Variants in ZNF704 observed in about 807,000 individuals in gnomAD.
ZNF704 encodes zinc finger protein 704.
In ZNF704, 10 loss-of-function variants were observed where a neutral mutation model predicts 44.7. The ratio of observed to expected loss-of-function variants is 0.22; its 90% CI spans 0.14 to 0.38. The LOEUF (loss-of-function observed/expected upper bound fraction) is 0.38. Ranked by LOEUF, ZNF704 falls within the 10% of genes least tolerant of loss-of-function variation. ZNF704 has a pLI of 1.00. For synonymous variants in ZNF704, 211 were observed against 207.6 expected, an observed-to-expected ratio of 1.02 and a Z score of -0.14; for missense variants, 390 against 545.5, an observed-to-expected ratio of 0.71 and a Z score of 2.84.
At chr8:80,763,430 C>CA (rs756221973) in intron 2 of ZNF704, among the ~76,000 whole-genome samples, 31 of 152,192 alleles carry the variant, frequency 2.0e-4, no homozygotes, top group Non-Finnish European at 3.7e-4. Flanking sequence ...TGGAAGCTGC[C>CA]AAGGCTTGGG....
Position 80,664,960 on chromosome 8 carries a change from G to C in ZNF704, c.782C>G (p.Ser261Cys). ...SSLAPVSPSQ[S>C]LASPPTFPIP... Reference sequence around the variant, plus strand: ...GGGGAAAGTAGGAGGTGAAGCCAGGGACTGGGAAGGTGAGACCGGGGCCAG... The same window carrying C: ...GGGGAAAGTAGGAGGTGAAGCCAGGCACTGGGAAGGTGAGACCGGGGCCAG... The change falls in exon 6 of 9, where the codon TCC becomes TGC. Residue 261 changes from serine to cysteine, a missense_variant. Around this residue, in one of 3 missense-constraint regions of ZNF704, gnomAD observed 305 missense variants for 435.7 expected, o/e 0.70. Transcript: ENST00000327835. 2 of 1,614,220 alleles carry C rather than the reference G, an allele frequency of 1.2e-6. No homozygotes were observed. Among genetic ancestry groups the C allele is most frequent in the Non-Finnish European group, 1.7e-6 (2 of 1,180,038 alleles).
upstream of ZNF704, among the ~76,000 whole-genome samples, chr8:80,877,184 G>GAAA (rs1809366223): frequency 9.8e-6 from 1 of 101,892 alleles, no homozygotes; most frequent in Non-Finnish European, 1.9e-5. Context: ...CCTCTGAATG[G>GAAA]GAAAAAAAAA....
At chr8:80,728,173 T>C (rs1806517053) in intron 2 of ZNF704, among the ~76,000 whole-genome samples, 1 of 152,182 alleles carries the variant, frequency 6.6e-6, no homozygotes, top group Non-Finnish European at 1.5e-5. Context: ...TAATCCAAAT[T>C]ATAACCCTAC....
intron 2 of ZNF704, among the ~76,000 whole-genome samples, chr8:80,694,640 T>C (rs1228696345): frequency 3.3e-5 from 5 of 152,170 alleles, no homozygotes; most frequent in African/African-American, 9.6e-5. Context: ...GAAGAGAAAT[T>C]CTTAAATTGG....
At chr8:80,718,987 C>A (rs551927884) in intron 2 of ZNF704, among the ~76,000 whole-genome samples, 4 of 151,520 alleles carry the variant, frequency 2.6e-5, no homozygotes, top group Non-Finnish European at 5.9e-5. Context: ...TTTTTTGAGA[C>A]AGGGTCTCAC....
intron 2 of ZNF704, among the ~76,000 whole-genome samples, chr8:80,773,216 C>G (rs992279684): frequency 3.3e-5 from 5 of 152,102 alleles, no homozygotes; most frequent in African/African-American, 1.2e-4. Context: ...CTTTTCCTGC[C>G]TTCCTGTGGA....
intron 1 of ZNF704, among the ~76,000 whole-genome samples, chr8:80,840,058 C>T (rs993078150): frequency 6.6e-6 from 1 of 152,150 alleles, no homozygotes; most frequent in Non-Finnish European, 1.5e-5. Context: ...TTACCTGGCA[C>T]ATACTGGGTG....
At chr8:80,814,343 G>A (rs1003088114) in intron 2 of ZNF704, 1 of 152,190 alleles carries the variant, frequency 6.6e-6, no homozygotes, top group African/African-American at 2.4e-5. Context: ...ACAATGTGCT[G>A]CATTAAGTCA....
intron 2 of ZNF704, among the ~76,000 whole-genome samples, chr8:80,746,741 A>G (rs1489957851): frequency 2.6e-5 from 4 of 152,178 alleles, no homozygotes; most frequent in Non-Finnish European, 5.9e-5. Context: ...GTTACGGGCA[A>G]TAGCAAACTC....
chr8:80,827,177 C>T (rs559657629), intron 1 of ZNF704, among the ~76,000 whole-genome samples: 1 of 152,264 alleles, frequency 6.6e-6, no homozygotes, highest in Admixed American at 6.5e-5. Context: ...TAGAAAACCC[C>T]ATCATCTCAG....
chr8:80,790,763 T>G (rs1049924402), intron 2 of ZNF704, among the ~76,000 whole-genome samples: 1 of 152,074 alleles, frequency 6.6e-6, no homozygotes, highest in African/African-American at 2.4e-5. Context: ...TAAGAAGTTC[T>G]GAGGGCATGA....
chr8:80,774,208 C>A (rs1441728614), intron 2 of ZNF704, among the ~76,000 whole-genome samples: 2 of 152,024 alleles, frequency 1.3e-5, no homozygotes, highest in East Asian at 1.9e-4. Flanking sequence ...GGACTACAGG[C>A]ACATGTCACC....
chr8:80,780,532 C>T (rs1351580799), intron 2 of ZNF704, among the ~76,000 whole-genome samples: 1 of 151,974 alleles, frequency 6.6e-6, no homozygotes, highest in Admixed American at 6.6e-5. Context: ...GTCTTTGTAG[C>T]TTTGCTGATA....
intron 5 of ZNF704, among the ~76,000 whole-genome samples, chr8:80,669,489 TAG>T (rs1387202391): frequency 1.3e-5 from 2 of 152,220 alleles, no homozygotes; most frequent in African/African-American, 4.8e-5. Flanking sequence ...CCTGGATGAT[TAG>T]AGAGCTAGAT....
At chr8:80,655,968 C>T (rs1178173144) in intron 7 of ZNF704, among the ~76,000 whole-genome samples, 3 of 152,106 alleles carry the variant, frequency 2.0e-5, no homozygotes, top group Non-Finnish European at 2.9e-5. Context: ...TGTTATAGAT[C>T]GAATGTTTGT....
chr8:80,812,128 T>A (rs1476786671), intron 2 of ZNF704: 7 of 152,486 alleles, frequency 4.6e-5, no homozygotes, highest in African/African-American at 9.6e-5. Context: ...AGAACCAATT[T>A]ATCCATCATA....
chr8:80,777,881 CAA>C (rs1310505808), intron 2 of ZNF704, among the ~76,000 whole-genome samples: 26 of 91,366 alleles, frequency 2.8e-4, no homozygotes, highest in Middle Eastern at 6.6e-3. Context: ...TGCGACTCAA[CAA>C]AAAAAAAAAA....
At chr8:80,823,172 C>T (rs1020958530) in intron 1 of ZNF704, among the ~76,000 whole-genome samples, 1 of 152,220 alleles carries the variant, frequency 6.6e-6, no homozygotes, top group African/African-American at 2.4e-5. Context: ...CTTTCCTAGC[C>T]AAGGGAAGCC....
At chr8:80,841,209 C>CCTTGTGCTT (rs1279435487) in intron 1 of ZNF704, among the ~76,000 whole-genome samples, 8 of 152,232 alleles carry the variant, frequency 5.3e-5, no homozygotes, top group Non-Finnish European at 1.2e-4. Context: ...TCACTGTCTT[C>CCTTGTGCTT]CTTGTGCTTC....
Sources: gnomAD v4.1 joint callset for allele counts (sites outside exome capture counted in the v4.1 genomes callset) on GRCh38, gnomAD v4.1.1 for gene constraint, gnomAD v4.1.1 regional missense constraint, MANE v1.5 for transcripts, NCBI Gene and HGNC (gene_info 2026-07-23, HGNC 2026-07-21) for gene names.